The following VPS35L variants were observed in gnomAD, a reference collection of about 807,000 sequenced individuals.
The protein encoded by VPS35L is VPS35 endosomal protein sorting factor like, also known as VPS35 endosomal protein-sorting factor-like.
Under a neutral mutation model 133.0 loss-of-function variants are expected in VPS35L, and 83 were observed. The ratio of observed to expected loss-of-function variants is 0.62; its 90% CI spans 0.52 to 0.75. The LOEUF is 0.75. Among genes scored for constraint, VPS35L ranks in the 30% least tolerant of loss-of-function variants. The pLI, the probability that VPS35L is intolerant of heterozygous loss-of-function variation, is 0.00. For synonymous variants in VPS35L, 423 were observed against 449.9 expected, an observed-to-expected ratio of 0.94 and a Z score of 0.76; for missense variants, 1,083 against 1,206.8, an observed-to-expected ratio of 0.90 and a Z score of 1.52.
At position 19,699,158 on chromosome 16, in the gene VPS35L, G is replaced by A. The variant is rs963177000; in HGVS notation, c.2647-344G>A. Among the ~76,000 whole-genome samples, 4 of 152,190 alleles carry A rather than the reference G, an allele frequency of 2.6e-5. No individual in the cohort carries two copies. The highest frequency in any genetic ancestry group is 4.4e-5 in the Non-Finnish European group (3 of 68,028). On this transcript the variant is annotated intron_variant, in intron 29 of 30. Coordinates refer to ENST00000417362, the MANE Select transcript of VPS35L (RefSeq NM_020314.7). The surrounding 1 kb of genome is among the most constrained non-coding windows in gnomAD (Gnocchi z 4.2). ...AGCTGAAGCCTTTCAGTTTTCAGCTGTACTTGCATTAAAGCAAGGCTTGTC... is the reference window on the plus strand; with the variant it reads ...AGCTGAAGCCTTTCAGTTTTCAGCTATACTTGCATTAAAGCAAGGCTTGTC...
In VPS35L at chr16:19,610,353, T is replaced by C. The variant is rs1280560024; in HGVS notation, c.961T>C (p.Cys321Arg). 2 of 1,614,160 alleles carry C rather than the reference T, an allele frequency of 1.2e-6. No individual in the cohort carries two copies. Among genetic ancestry groups the C allele is most frequent in the East Asian group, 2.2e-5 (1 of 44,884 alleles). The change falls in exon 12 of 31, where the codon TGC becomes CGC. Residue 321 changes from cysteine (C) to arginine (R), a missense_variant. Cys to Arg is a radical substitution (Grantham distance 180). Transcript: ENST00000417362. ...TTCAGAGTGCCTGCCCCGGTTGACATGCATGATCAGAGGGATCGGAGACCC... is the reference window on the plus strand; with the variant it reads ...TTCAGAGTGCCTGCCCCGGTTGACACGCATGATCAGAGGGATCGGAGACCC... ...GISECLPRLT[C>R]MIRGIGDPLV...
intron 20 of VPS35L, among the ~76,000 whole-genome samples, chr16:19,638,581 G>A (rs951041214): frequency 3.3e-5 from 5 of 152,208 alleles, no homozygotes; most frequent in African/African-American, 1.2e-4. Context: ...TGCCAGCATT[G>A]CTACTCTTGC....
chr16:19,662,121 C>G (rs957568840), intron 26 of VPS35L, among the ~76,000 whole-genome samples: 5 of 152,052 alleles, frequency 3.3e-5, no homozygotes, highest in Non-Finnish European at 7.4e-5. Context: ...GAGGGTTGCT[C>G]GAGCCCAGGA....
At chr16:19,585,951 G>T (rs1303789218) in intron 7 of VPS35L, among the ~76,000 whole-genome samples, 3 of 151,996 alleles carry the variant, frequency 2.0e-5, no homozygotes, top group Non-Finnish European at 4.4e-5. Context: ...CAGATGGAGT[G>T]CAGTGGTGCC....
chr16:19,610,478 A>C (rs1972680523), intron 12 of VPS35L, 63 bp downstream of exon 12: 8 of 1,323,140 alleles, frequency 6.0e-6, no homozygotes, highest in Non-Finnish European at 8.5e-6. Flanking sequence ...GAATGTTCAC[A>C]CAGGGCCCTC....
At chr16:19,614,966 C>T (rs1972838648) in intron 12 of VPS35L, among the ~76,000 whole-genome samples, 1 of 152,186 alleles carries the variant, frequency 6.6e-6, no homozygotes, top group African/African-American at 2.4e-5. Flanking sequence ...ACACTTCATG[C>T]TCATGTTATA....
At chr16:19,563,683 A>G (rs226882) in intron 1 of VPS35L, among the ~76,000 whole-genome samples, 15,542 of 152,256 alleles carry the variant, frequency 0.1, 892 homozygotes, top group African/African-American at 0.16. Context: ...TGAACCCTCA[A>G]GAAACCAATG....
chr16:19,657,814 T>C (rs1974355377), intron 26 of VPS35L, among the ~76,000 whole-genome samples: 1 of 152,216 alleles, frequency 6.6e-6, no homozygotes, highest in South Asian at 2.1e-4. Flanking sequence ...ATTTACCAGG[T>C]CTTGGCGATT....
At chr16:19,574,538 C>G (rs999305525) in intron 4 of VPS35L, among the ~76,000 whole-genome samples, 5 of 152,064 alleles carry the variant, frequency 3.3e-5, no homozygotes, top group African/African-American at 4.8e-5. Context: ...ATTTTTTCCT[C>G]CCAGGGTGTG....
At chr16:19,622,327 G>A (rs1455662642) in intron 14 of VPS35L, among the ~76,000 whole-genome samples, 5 of 151,656 alleles carry the variant, frequency 3.3e-5, no homozygotes, top group African/African-American at 1.2e-4. Flanking sequence ...ATTTTTAGTA[G>A]AGACAGGGTC....
intron 14 of VPS35L, among the ~76,000 whole-genome samples, chr16:19,622,299 C>G (rs139955810): frequency 6.6e-6 from 1 of 151,910 alleles, no homozygotes; most frequent in Non-Finnish European, 1.5e-5. Flanking sequence ...CACGCCACCA[C>G]GCCCGGCTAA....
At position 19,629,809 on chromosome 16, in the gene VPS35L, A is replaced by G. The variant is rs375230902; in HGVS notation, c.1543A>G (p.Lys515Glu). 11 of 1,613,678 alleles carry G rather than the reference A, an allele frequency of 6.8e-6. No individual in the cohort carries two copies. The African/African-American group carries it at 1.1e-4, about 16-fold the overall frequency. The change falls in exon 18 of 31, where the codon AAG becomes GAG. Residue 515 changes from lysine to glutamate, a missense_variant. Transcript: ENST00000417362. Reference protein sequence around the residue: ...CAEVWVEYTCKHFTKREVNTV... With the variant: ...CAEVWVEYTCEHFTKREVNTV... Reference sequence around the variant, plus strand: ...CGAAGTGTGGGTGGAATACACCTGCAAGCATTTCACGGTATGTGTGACTGT... The same window carrying G: ...CGAAGTGTGGGTGGAATACACCTGCGAGCATTTCACGGTATGTGTGACTGT...
chr16:19,637,670 C>CTTAATTA lies in VPS35L; in HGVS notation c.1698+16_1698+22dup. The CTTAATTA allele has an allele frequency of 6.5e-7, 1 of 1,545,502 alleles. No homozygotes were observed. The highest frequency in any genetic ancestry group is 8.8e-7 in the Non-Finnish European group (1 of 1,135,020). On this transcript the variant is annotated intron_variant, in intron 20 of 30. Transcript: ENST00000417362. Reference sequence around the variant, plus strand: ...CTTTTCTCAGTGGTAAGTAGGATTTCTTAATTATCTTTGGAAATTTGTACC... The same window carrying CTTAATTA: ...CTTTTCTCAGTGGTAAGTAGGATTTCTTAATTATTAATTATCTTTGGAAATTTGTACC...
chr16:19,671,619 A>G (rs1281510796), intron 27 of VPS35L, among the ~76,000 whole-genome samples: 1 of 150,990 alleles, frequency 6.6e-6, no homozygotes, highest in Non-Finnish European at 1.5e-5. Flanking sequence ...TCTACTAAAA[A>G]TACAAAAATT....
intron 21 of VPS35L, among the ~76,000 whole-genome samples, chr16:19,641,520 A>G (rs1172072952): frequency 1.3e-5 from 2 of 152,186 alleles, no homozygotes; most frequent in Non-Finnish European, 2.9e-5. Context: ...GATATGGTTC[A>G]CTTTGGAAAA....
chr16:19,578,860 C>A, intron 5 of VPS35L, 192 bp from the exon 6 acceptor site: 1 of 615,078 alleles, frequency 1.6e-6, no homozygotes, highest in East Asian at 2.9e-5. Context: ...GGGGCAGCTT[C>A]TAAGTGGGAA....
Position 19,699,451 on chromosome 16 carries a change from G to A in VPS35L, c.2647-51G>A, listed in dbSNP as rs1447520118. On this transcript the variant is annotated intron_variant, in intron 29 of 30. Transcript: ENST00000417362. This position sits in a 1 kb window ranked among gnomAD's most constrained non-coding sequence, Gnocchi z 4.2. ...AGCACTGTCCACAGCATCTCTGCGG[G>A]GCACGGCCTGAGCCCCAGTGCAAGG... The A allele has an allele frequency of 2.5e-6, 4 of 1,608,876 alleles. No homozygotes were observed. The African/African-American group carries it at 4.0e-5, about 16-fold the overall frequency.
At chr16:19,652,726 G>A (rs538244767) in intron 26 of VPS35L, 1 of 152,486 alleles carries the variant, frequency 6.6e-6, no homozygotes, top group Admixed American at 6.5e-5. Flanking sequence ...CTGCTTCACA[G>A]TGGTAGATTC....
chr16:19,678,946 T>TA (rs1351129887), intron 27 of VPS35L, among the ~76,000 whole-genome samples: 1 of 152,328 alleles, frequency 6.6e-6, no homozygotes, highest in Non-Finnish European at 1.5e-5. Flanking sequence ...CTGGCCCTTG[T>TA]ACCACCTTTT....
Sources: gnomAD v4.1 joint callset for allele counts (sites outside exome capture counted in the v4.1 genomes callset) on GRCh38, gnomAD v4.1.1 for gene constraint, Gnocchi (gnomAD v3.1) non-coding constraint, MANE v1.5 for transcripts, NCBI Gene and HGNC (gene_info 2026-07-23, HGNC 2026-07-21) for gene names.